Variants in UNC79 observed in about 807,000 individuals in gnomAD.
UNC79 encodes the protein protein unc-79 homolog.
UNC79 carries 37 observed loss-of-function variants against 283.1 expected under a neutral mutation model. The observed-to-expected ratio is 0.13, with a 90% CI of 0.10 to 0.17. The LOEUF (loss-of-function observed/expected upper bound fraction) is 0.17, where lower values mean the gene tolerates loss of function less well. Ranked by LOEUF, UNC79 falls within the 10% of genes least tolerant of loss-of-function variation. The pLI, the probability that UNC79 is intolerant of heterozygous loss-of-function variation, is 1.00. For synonymous variants in UNC79, 1,107 were observed against 1,200.2 expected (o/e 0.92, Z 1.61); for missense variants, 2,272 against 3,211.1 (o/e 0.71, Z 7.07).
chr14:93,419,642 C>G (rs557053335), intron 1 of UNC79, among the ~76,000 whole-genome samples: 2 of 151,730 alleles, frequency 1.3e-5, no homozygotes, highest in African/African-American at 4.8e-5. Flanking sequence ...TGTTTACTTA[C>G]GCACACAGTG....
intron 40 of UNC79, among the ~76,000 whole-genome samples, chr14:93,668,978 T>TAAA (rs543609091): frequency 0.024 from 1,932 of 79,780 alleles, 103 homozygotes; most frequent in African/African-American, 0.079. Flanking sequence ...GAACATTGTC[T>TAAA]AAAAAAAAAA....
exon 27 of UNC79, chr14:93,613,083 A>G: frequency 1.2e-6 from 2 of 1,614,112 alleles, no homozygotes; most frequent in South Asian, 1.1e-5. Flanking sequence ...GAATTGCCCA[A>G]GTAAGTGTAA....
At chr14:93,552,074 A>C (rs941786818) in intron 14 of UNC79, among the ~76,000 whole-genome samples, 5 of 152,240 alleles carry the variant, frequency 3.3e-5, no homozygotes, top group Non-Finnish European at 5.9e-5. Context: ...CGCCTGTTGA[A>C]TATAACAAAT....
intron 1 of UNC79, among the ~76,000 whole-genome samples, chr14:93,416,544 G>A (rs2055462334): frequency 2.0e-5 from 3 of 152,262 alleles, no homozygotes; most frequent in Non-Finnish European, 2.9e-5. Context: ...GGTCTGCTTG[G>A]TGCAGAGCTG....
At chr14:93,680,059 G>A (rs1050135606) in intron 41 of UNC79, among the ~76,000 whole-genome samples, 2 of 152,172 alleles carry the variant, frequency 1.3e-5, no homozygotes, top group African/African-American at 4.8e-5. Context: ...TGAGGCTTAT[G>A]CACTTTTATT....
At chr14:93,528,500 A>G (rs2141027075) in intron 8 of UNC79, 58 bp from the exon 9 acceptor site, 2 of 1,498,106 alleles carry the variant, frequency 1.3e-6, no homozygotes, top group Non-Finnish European at 1.9e-6. Context: ...TGCTTAGAAT[A>G]TAGGGAATGT....
chr14:93,339,482 G>T (rs541072210), intron 1 of UNC79, among the ~76,000 whole-genome samples: 27 of 152,212 alleles, frequency 1.8e-4, no homozygotes, highest in African/African-American at 6.3e-4. Context: ...TGTATTTTTA[G>T]TAGAGACGGG....
At chr14:93,408,706 A>G (rs2055276235) in intron 1 of UNC79, among the ~76,000 whole-genome samples, 1 of 152,158 alleles carries the variant, frequency 6.6e-6, no homozygotes, top group Non-Finnish European at 1.5e-5. Context: ...AAAACCCACA[A>G]AGTGTAAAAA....
intron 1 of UNC79, among the ~76,000 whole-genome samples, chr14:93,384,007 G>T (rs570554359): frequency 6.6e-6 from 1 of 152,320 alleles, no homozygotes; most frequent in South Asian, 2.1e-4. Flanking sequence ...ATGTGGAACT[G>T]TAAGTCCAAT....
intron 1 of UNC79, among the ~76,000 whole-genome samples, chr14:93,451,409 T>C (rs2056637732): frequency 6.6e-6 from 1 of 152,126 alleles, no homozygotes; most frequent in Admixed American, 6.5e-5. Flanking sequence ...GCCTGAAGGG[T>C]AAGGGTCTAG....
intron 5 of UNC79, among the ~76,000 whole-genome samples, chr14:93,495,823 A>G (rs2058991439): frequency 6.6e-6 from 1 of 152,240 alleles, no homozygotes; most frequent in South Asian, 2.1e-4. Flanking sequence ...TTGTTCCCCA[A>G]GTGAAGATAG....
chr14:93,495,656 G>A (rs750282372), intron 5 of UNC79, among the ~76,000 whole-genome samples: 2 of 152,216 alleles, frequency 1.3e-5, no homozygotes, highest in Non-Finnish European at 2.9e-5. Context: ...GAATGTGGCT[G>A]AAAAGTCAAG....
intron 2 of UNC79, among the ~76,000 whole-genome samples, chr14:93,473,153 G>T (rs2057611717): frequency 6.6e-6 from 1 of 151,438 alleles, no homozygotes; most frequent in Non-Finnish European, 1.5e-5. Flanking sequence ...TTAGTCTTTA[G>T]TGAGTTTTGT....
At chr14:93,644,308 G>C (rs1418094121) in intron 34 of UNC79, among the ~76,000 whole-genome samples, 1 of 152,192 alleles carries the variant, frequency 6.6e-6, no homozygotes, top group Non-Finnish European at 1.5e-5. Flanking sequence ...AGAAGATAAA[G>C]ATATATTTCA....
At chr14:93,634,260 T>C (rs138853156) in intron 31 of UNC79, among the ~76,000 whole-genome samples, 73 of 152,338 alleles carry the variant, frequency 4.8e-4, no homozygotes, top group Middle Eastern at 3.4e-3. Flanking sequence ...AAGATAATCA[T>C]ATTTCATTCA....
intron 40 of UNC79, among the ~76,000 whole-genome samples, chr14:93,669,060 A>G (rs2072549482): frequency 6.6e-6 from 1 of 151,834 alleles, no homozygotes; most frequent in Non-Finnish European, 1.5e-5. Context: ...GCATTACACA[A>G]TGTTAAATAA....
At chr14:93,436,452 A>T (rs2140113375) in intron 1 of UNC79, among the ~76,000 whole-genome samples, 1 of 152,242 alleles carries the variant, frequency 6.6e-6, no homozygotes, top group Non-Finnish European at 1.5e-5. Flanking sequence ...ATGATTCTTA[A>T]AGTGGTAGGC....
upstream of UNC79, chr14:93,430,194 G>A (rs1303753470): frequency 6.5e-6 from 1 of 153,136 alleles, no homozygotes; most frequent in Non-Finnish European, 1.5e-5. This position sits in a 1 kb window ranked among gnomAD's most constrained non-coding sequence, Gnocchi z 4.6. Flanking sequence ...CTTTTCTGTG[G>A]CCCTTCCAGC....
At position 93,654,275 on chromosome 14, in the gene UNC79, G is replaced by A. The variant is rs574326422; in HGVS notation, c.6282+250G>A. Among the ~76,000 whole-genome samples, 13 of 152,216 alleles carry A rather than the reference G, an allele frequency of 8.5e-5. No homozygotes were observed. In the South Asian group the frequency reaches 2.5e-3, roughly 29 times the overall value. On this transcript the variant is annotated intron_variant, in intron 37 of 48. Coordinates refer to ENST00000555664, the Ensembl canonical transcript of UNC79. ...GGAGACTGAGGCAGGAGGATTGCTC[G>A]AGGCCAGGAGTTCAAGACTAGCCTG...
Sources: allele counts gnomAD v4.1 joint callset (sites outside exome capture counted in the v4.1 genomes callset), GRCh38; gene constraint gnomAD v4.1.1; non-coding constraint Gnocchi (gnomAD v3.1); transcripts MANE v1.5; gene names NCBI Gene and HGNC (gene_info 2026-07-23, HGNC 2026-07-21).